SYNE1: variants seen among roughly 807,000 people sequenced by gnomAD.
The protein encoded by SYNE1 is spectrin repeat containing nuclear envelope protein 1.
SYNE1 carries 616 observed loss-of-function variants against 1,111.0 expected under a neutral mutation model. The observed-to-expected ratio is 0.55, with a 90% confidence interval of 0.52 to 0.59. The LOEUF (loss-of-function observed/expected upper bound fraction) is 0.59. Ranked by LOEUF, SYNE1 falls within the 20% of genes least tolerant of loss-of-function variation. The pLI is 0.00. For synonymous variants in SYNE1, 3,855 were observed against 3,825.8 expected (o/e 1.01, Z -0.28); for missense variants, 10,006 against 10,417.0 (o/e 0.96, Z 1.72).
chr6:152,223,583 A>C (rs1273778652), intron 117 of SYNE1, among the ~76,000 whole-genome samples: 1 of 150,760 alleles, frequency 6.6e-6, no homozygotes, highest in Non-Finnish European at 1.5e-5. Flanking sequence ...GCACCACTGC[A>C]CTCCAGTCTG....
At chr6:152,381,611 C>T (rs2097418282) in intron 55 of SYNE1, 2 of 554,782 alleles carry the variant, frequency 3.6e-6, no homozygotes, top group South Asian at 4.2e-5. Flanking sequence ...AACAGAGACC[C>T]TGAAATCAGG....
chr6:152,447,105 T>G (rs1253404897), intron 29 of SYNE1, among the ~76,000 whole-genome samples: 1 of 152,238 alleles, frequency 6.6e-6, no homozygotes, highest in East Asian at 1.9e-4. Flanking sequence ...ATTTAAACTC[T>G]AATCCTGGAT....
chr6:152,208,301 C>G (rs928693587), intron 124 of SYNE1, 95 bp from the exon 125 acceptor site: 6 of 1,130,450 alleles, frequency 5.3e-6, no homozygotes, highest in Non-Finnish European at 5.2e-6. Context: ...ACCCTAAGCC[C>G]TGAGAAGTGA....
Position 152,156,028 on chromosome 6 carries a change from G to A in SYNE1, c.23860C>T (p.Leu7954=). The A allele has an allele frequency of 6.2e-7, 1 of 1,614,178 alleles. No individual in the cohort carries two copies. The highest frequency in any genetic ancestry group is 8.5e-7 in the Non-Finnish European group (1 of 1,180,036). ...ASVLNLCEVL[L]HDCDACATDA... is the part of the protein sequence containing the mutation. ...GTGGCACAGGCGTCACAGTCGTGCA[G>A]CAGGACTTCACACAGGTTGAGGACA... The change falls in exon 132 of 146, where the codon CTG becomes TTG. Residue 7954 remains leucine (L), a synonymous_variant. Transcript: ENST00000367255.
chr6:152,571,258 G>A (rs1595581761), intron 3 of SYNE1, among the ~76,000 whole-genome samples: 1 of 152,144 alleles, frequency 6.6e-6, no homozygotes, highest in Non-Finnish European at 1.5e-5. Context: ...AGGAAGCAAA[G>A]TACTGATTAC....
chr6:152,227,540 T>C (rs1353827955), intron 115 of SYNE1, among the ~76,000 whole-genome samples: 1 of 152,180 alleles, frequency 6.6e-6, no homozygotes, highest in African/African-American at 2.4e-5. Flanking sequence ...AGAATAAATA[T>C]AGTGATTGCT....
chr6:152,578,605 TA>T (rs200070640), intron 3 of SYNE1, among the ~76,000 whole-genome samples: 2 of 151,868 alleles, frequency 1.3e-5, no homozygotes, highest in African/African-American at 2.4e-5. Flanking sequence ...AAAAACAAAA[TA>T]AAAAAACAAA....
chr6:152,329,673 A>G, intron 78 of SYNE1, 57 bp downstream of exon 78: 1 of 1,611,864 alleles, frequency 6.2e-7, no homozygotes, highest in Non-Finnish European at 8.5e-7. Flanking sequence ...AATTTCTTGT[A>G]CCTGTTTACA....
intron 14 of SYNE1, among the ~76,000 whole-genome samples, chr6:152,476,348 GT>G (rs1184426457): frequency 1.3e-5 from 2 of 152,092 alleles, no homozygotes; most frequent in Non-Finnish European, 2.9e-5. Flanking sequence ...CCAAATCATA[GT>G]GTCATTTATG....
intron 56 of SYNE1, among the ~76,000 whole-genome samples, chr6:152,378,127 C>G (rs975382264): frequency 6.6e-6 from 1 of 152,144 alleles, no homozygotes; most frequent in Non-Finnish European, 1.5e-5. Flanking sequence ...GTTCCTAGCA[C>G]ACTAAGTGTC....
intron 131 of SYNE1, among the ~76,000 whole-genome samples, chr6:152,156,358 C>T (rs559303416): frequency 6.6e-5 from 10 of 152,218 alleles, no homozygotes; most frequent in East Asian, 1.9e-4. Flanking sequence ...AAGAGTAAAA[C>T]TAACTTCTTT....
At chr6:152,208,333 T>C (rs976830276) in intron 124 of SYNE1, 127 bp from the exon 125 acceptor site, 16 of 814,390 alleles carry the variant, frequency 2.0e-5, no homozygotes, top group Non-Finnish European at 3.3e-5. Flanking sequence ...GGTTTTTGAA[T>C]ATCATGCCAT....
chr6:152,455,289 T>G (rs1322502127), intron 24 of SYNE1, 137 bp downstream of exon 24: 3 of 875,122 alleles, frequency 3.4e-6, no homozygotes, highest in Non-Finnish European at 5.1e-6. Context: ...TTGGGTCTCA[T>G]ACCTAAAAAG....
chr6:152,469,774 C>T lies in SYNE1; in HGVS notation c.1632+1823G>A, dbSNP rs149219671. 3.9e-4 allele frequency among the ~76,000 whole-genome samples: 59 copies of T among 152,228 alleles called. No individual in the cohort carries two copies. In the East Asian group the frequency reaches 0.011, roughly 29 times the overall value. On this transcript the variant is annotated intron_variant, in intron 16 of 145. Transcript: ENST00000367255. ...CAATTTCTGATTCCACAATTTACCA[C>T]CTGGAGCGTGTGCCGCCAGGAGCAA...
chr6:152,147,765 C>T (rs1402708578), intron 137 of SYNE1: 1 of 423,292 alleles, frequency 2.4e-6, no homozygotes, highest in East Asian at 5.2e-5. Context: ...CTGTGTCCCA[C>T]ACTAGAGTGG....
chr6:152,602,186 A>T (rs993108237), intron 3 of SYNE1, among the ~76,000 whole-genome samples: 13 of 152,102 alleles, frequency 8.5e-5, no homozygotes, highest in Non-Finnish European at 1.5e-4. Context: ...TGAAGTTCTA[A>T]CCTCCAGGAC....
intron 39 of SYNE1, among the ~76,000 whole-genome samples, chr6:152,423,868 T>G (rs2098309620): frequency 6.6e-6 from 1 of 152,214 alleles, no homozygotes. Context: ...GTCTGTTTCC[T>G]GCACAGCCCA....
At chr6:152,608,191 A>G (rs1001837560) in intron 3 of SYNE1, among the ~76,000 whole-genome samples, 1 of 152,198 alleles carries the variant, frequency 6.6e-6, no homozygotes, top group African/African-American at 2.4e-5. Context: ...AAAAAACATT[A>G]AAGTGATGAA....
Position 152,221,419 on chromosome 6 carries a change from T to G in SYNE1, c.21656+7A>C. 1 of 1,613,796 alleles carries G rather than the reference T, an allele frequency of 6.2e-7. No homozygotes were observed. Among genetic ancestry groups the G allele is most frequent in the Non-Finnish European group, 8.5e-7 (1 of 1,179,780 alleles). On this transcript the variant is annotated splice_region_variant and intron_variant, in intron 118 of 145. Transcript: ENST00000367255. ...TAAATAGTGTGTAAAGTTAACATACTCCATACCTCATGTTGACTTCTTTCA... is the reference window on the plus strand; with the variant it reads ...TAAATAGTGTGTAAAGTTAACATACGCCATACCTCATGTTGACTTCTTTCA...
Sources: gnomAD v4.1 joint callset for allele counts (sites outside exome capture counted in the v4.1 genomes callset) on GRCh38, gnomAD v4.1.1 for gene constraint, MANE v1.5 for transcripts, NCBI Gene and HGNC (gene_info 2026-07-23, HGNC 2026-07-21) for gene names.